The following WDFY4 variants were observed in gnomAD, a reference collection of about 807,000 sequenced individuals.
WDFY4 encodes WD repeat- and FYVE domain-containing protein 4.
Under a neutral mutation model 351.9 loss-of-function variants are expected in WDFY4, and 169 were observed. The observed-to-expected ratio is 0.48, with a 90% CI of 0.42 to 0.55. WDFY4 has a LOEUF of 0.55. WDFY4 is among the 20% of genes least tolerant of loss of function. The pLI is 0.00. For missense variants in WDFY4, 3,803 were observed against 3,935.6 expected, an observed-to-expected ratio of 0.97 and a Z score of 0.90; for synonymous variants, 1,622 against 1,574.6, an observed-to-expected ratio of 1.03 and a Z score of -0.71.
rs765265466 is a variant in WDFY4, at chr10:48,723,478, C to T, written c.502C>T (p.Leu168=). 9.0e-6 allele frequency: 14 copies of T among 1,550,918 alleles called. No individual in the cohort carries two copies. The African/African-American group carries it at 1.9e-4, about 21-fold the overall frequency. ...TGAGTCTGGGCTTCCAGCCCTGCTC[C>T]TACAGTGCCTTTACCTCTTCTTTGT... The part of the protein sequence containing the change: ...VAESGLPALL[L]QCLYLFFVFP... The change falls in exon 5 of 62, where the codon CTA becomes TTA. Residue 168 remains leucine, a synonymous_variant. Transcript: ENST00000325239.
chr10:48,789,640 C>T (rs180835425), intron 21 of WDFY4, among the ~76,000 whole-genome samples: 12 of 152,338 alleles, frequency 7.9e-5, no homozygotes, highest in African/African-American at 1.2e-4. Context: ...GCTCAGACTG[C>T]GTAACTGAAG....
At chr10:48,854,818 G>T (rs1012015694) in intron 39 of WDFY4, among the ~76,000 whole-genome samples, 28 of 152,142 alleles carry the variant, frequency 1.8e-4, no homozygotes, top group Non-Finnish European at 1.9e-4. Flanking sequence ...TCCCTCTGCT[G>T]CAAGATACCC....
At chr10:48,894,257 G>A (rs1836960418) in intron 44 of WDFY4, among the ~76,000 whole-genome samples, 1 of 152,184 alleles carries the variant, frequency 6.6e-6, no homozygotes, top group Non-Finnish European at 1.5e-5. Context: ...TCTTCCATAT[G>A]TCATCTGTGT....
At chr10:48,713,877 A>G (rs1474462081) in intron 2 of WDFY4, among the ~76,000 whole-genome samples, 5 of 152,140 alleles carry the variant, frequency 3.3e-5, no homozygotes, top group African/African-American at 1.2e-4. Context: ...TAGAAATGAG[A>G]CTAAGAGATG....
intron 40 of WDFY4, among the ~76,000 whole-genome samples, chr10:48,870,580 ATTGTAG>A (rs1342083679): frequency 6.6e-6 from 1 of 151,746 alleles, no homozygotes. Context: ...AAAGAAAGAA[ATTGTAG>A]TTGTCCCCCA....
At chr10:48,947,367 C>T (rs902723909) in intron 51 of WDFY4, among the ~76,000 whole-genome samples, 3 of 152,104 alleles carry the variant, frequency 2.0e-5, no homozygotes, top group African/African-American at 7.2e-5. Flanking sequence ...CTCAAGACAT[C>T]GGAATGCATA....
At chr10:48,941,578 G>A (rs1441720216) in intron 47 of WDFY4, among the ~76,000 whole-genome samples, 1 of 152,180 alleles carries the variant, frequency 6.6e-6, no homozygotes, top group African/African-American at 2.4e-5. Context: ...GCATCACAGC[G>A]GAGGGACACT....
chr10:48,959,639 C>T lies in WDFY4; in HGVS notation c.8132-83C>T, dbSNP rs1023393505. On this transcript the variant is annotated intron_variant, in intron 52 of 61. Coordinates refer to ENST00000325239, the MANE Select transcript of WDFY4 (RefSeq NM_001394531.1). The stretch of plus-strand genomic sequence containing the variant: ...TTCAGACCTACACAAAATCAGCAAT[C>T]CTGGGCAATGTGTATTTTACATCCC... 7.1e-6 allele frequency: 9 copies of T among 1,269,964 alleles called. No individual in the cohort carries two copies. In the African/African-American group the frequency reaches 1.2e-4, roughly 17 times the overall value. 78.7% of individuals were successfully genotyped at this position (1,269,964 alleles called of 1,614,324 possible).
intron 47 of WDFY4, among the ~76,000 whole-genome samples, chr10:48,929,855 T>C (rs1295042207): frequency 6.6e-6 from 1 of 152,166 alleles, no homozygotes; most frequent in Admixed American, 6.5e-5. Context: ...GCATCAGACT[T>C]GACAACTCTT....
At chr10:48,716,098 T>C (rs2063900991) in intron 2 of WDFY4, among the ~76,000 whole-genome samples, 2 of 152,142 alleles carry the variant, frequency 1.3e-5, no homozygotes, top group South Asian at 4.1e-4. Context: ...TAGCAAAGTT[T>C]TGATGCGCCA....
rs1841965590 is a variant in WDFY4, at chr10:48,963,828, G to A, written c.8224-14G>A. On this transcript the variant is annotated splice_polypyrimidine_tract_variant and intron_variant, in intron 53 of 61. Coordinates refer to ENST00000325239, the MANE Select transcript of WDFY4 (RefSeq NM_001394531.1). The stretch of plus-strand genomic sequence containing the variant: ...GTGGCCTGGGTTTTAATGCTCTTTG[G>A]GTTTTTGTTCCAGGCCCTGGAAAGT... 1.3e-6 allele frequency: 2 copies of A among 1,551,166 alleles called. No homozygotes were observed. Among genetic ancestry groups the A allele is most frequent in the South Asian group, 2.4e-5 (2 of 84,018 alleles).
Position 48,790,801 on chromosome 10 carries a change from C to T in WDFY4, c.4141C>T (p.Leu1381Phe). 2 of 1,551,814 alleles carry T rather than the reference C, an allele frequency of 1.3e-6. No homozygotes were observed. Among genetic ancestry groups the T allele is most frequent in the East Asian group, 2.4e-5 (1 of 40,930 alleles). Residue 1381 changes from leucine (L) to phenylalanine (F), a missense_variant, in exon 23 of 62, where the codon CTC becomes TTC. Physicochemically the swap from Leu to Phe is conservative, Grantham distance 22. Around this residue, in one of 3 missense-constraint regions of WDFY4, gnomAD observed 3,054 missense variants for 3,148.6 expected, o/e 0.97. Transcript: ENST00000325239. The stretch of plus-strand genomic sequence containing the variant: ...TGGCGGGCCTGCCATCCTCCTGGGC[C>T]TCATCTCCTTAGCGACAGATGACCA... ...FIGGPAILLG[L>F]ISLATDDHTM...
chr10:48,725,980 C>A lies in WDFY4; in HGVS notation c.691C>A (p.His231Asn). The A allele has an allele frequency of 6.4e-7, 1 of 1,551,774 alleles. No homozygotes were observed. Residue 231 changes from histidine to asparagine, a missense_variant, in exon 6 of 62, where the codon CAC becomes AAC. This residue lies in a region of WDFY4 where 488 missense variants were observed against 456.8 expected (regional missense o/e 1.07). Transcript: ENST00000325239. ...LLIATTCLRE[H>N]SCCFWKEPTF... ...GATTGCCACGACCTGCCTTCGGGAG[C>A]ACAGCTGCTGCTTCTGGAAGGAACC... is the stretch of plus-strand genomic sequence containing the variant.
intron 43 of WDFY4, among the ~76,000 whole-genome samples, chr10:48,883,549 A>G (rs2070338632): frequency 6.6e-6 from 1 of 152,176 alleles, no homozygotes; most frequent in Non-Finnish European, 1.5e-5. Flanking sequence ...CTAAATTTCT[A>G]AGCGAAACAT....
At chr10:48,885,782 C>T (rs1256566844) in intron 43 of WDFY4, among the ~76,000 whole-genome samples, 1 of 151,802 alleles carries the variant, frequency 6.6e-6, no homozygotes, top group African/African-American at 2.4e-5. Context: ...AGATAGATAG[C>T]ATCTCCTTAT....
intron 12 of WDFY4, among the ~76,000 whole-genome samples, chr10:48,755,423 G>A (rs190245964): frequency 1.3e-5 from 2 of 152,212 alleles, no homozygotes; most frequent in East Asian, 3.9e-4. Flanking sequence ...GCACTTTTAT[G>A]TCATATCTAA....
At chr10:48,848,459 G>A (rs2068850841) in intron 39 of WDFY4, among the ~76,000 whole-genome samples, 1 of 152,206 alleles carries the variant, frequency 6.6e-6, no homozygotes, top group Admixed American at 6.5e-5. Context: ...ACTTAAACAA[G>A]GGGTGGGAGT....
chr10:48,866,270 T>C (rs1234362882), intron 39 of WDFY4, among the ~76,000 whole-genome samples: 6 of 152,096 alleles, frequency 3.9e-5, no homozygotes, highest in Non-Finnish European at 8.8e-5. Context: ...AGCCTACGTG[T>C]TTTGGTATGT....
chr10:48,766,570 G>A (rs2065678984), intron 13 of WDFY4, among the ~76,000 whole-genome samples: 1 of 152,046 alleles, frequency 6.6e-6, no homozygotes, highest in African/African-American at 2.4e-5. Context: ...CTCCAGCCTG[G>A]GTGACAGAGT....
Sources: allele counts gnomAD v4.1 joint callset (sites outside exome capture counted in the v4.1 genomes callset), GRCh38; gene constraint gnomAD v4.1.1; regional missense constraint gnomAD v4.1.1; transcripts MANE v1.5; gene names NCBI Gene and HGNC (gene_info 2026-07-23, HGNC 2026-07-21).